The following PTPRM variants were observed in gnomAD, a reference collection of about 807,000 sequenced individuals.
PTPRM encodes the protein receptor-type tyrosine-protein phosphatase mu.
PTPRM carries 47 observed loss-of-function variants against 186.7 expected under a neutral mutation model. The observed-to-expected ratio is 0.25, with a 90% CI of 0.20 to 0.32. The LOEUF is 0.32. Among genes scored for constraint, PTPRM ranks in the 10% least tolerant of loss-of-function variants. PTPRM has a pLI of 1.00. For synonymous variants in PTPRM, 668 were observed against 674.9 expected (o/e 0.99, Z 0.16); for missense variants, 1,494 against 1,865.0 (o/e 0.80, Z 3.66).
intron 1 of PTPRM, among the ~76,000 whole-genome samples, chr18:7,678,549 A>C (rs1033399804): frequency 6.6e-6 from 1 of 152,160 alleles, no homozygotes; most frequent in Non-Finnish European, 1.5e-5. Context: ...GGGCGTGTGC[A>C]GTTAACAGTT....
intron 22 of PTPRM, among the ~76,000 whole-genome samples, chr18:8,343,062 T>A (rs1203482018): frequency 6.6e-6 from 1 of 152,246 alleles, no homozygotes; most frequent in East Asian, 1.9e-4. Context: ...ATCTGCTAAT[T>A]GTTAGCAGAA....
At chr18:8,346,792 A>AAC (rs2148291896) in intron 23 of PTPRM, among the ~76,000 whole-genome samples, 1 of 119,368 alleles carries the variant, frequency 8.4e-6, no homozygotes, top group African/African-American at 3.2e-5. Flanking sequence ...TTACTATGAA[A>AAC]ACATTAATGA....
chr18:7,946,690 G>A (rs777689552), intron 5 of PTPRM, among the ~76,000 whole-genome samples: 1 of 152,046 alleles, frequency 6.6e-6, no homozygotes, highest in Non-Finnish European at 1.5e-5. Context: ...AGGGCATTTA[G>A]TGAAAAAAAC....
At chr18:7,655,008 A>G (rs1391975906) in intron 1 of PTPRM, among the ~76,000 whole-genome samples, 1 of 152,138 alleles carries the variant, frequency 6.6e-6, no homozygotes, top group Non-Finnish European at 1.5e-5. Flanking sequence ...TAGTTTACTA[A>G]GAATAGCATT....
At chr18:8,367,895 A>G (rs910028152) in intron 23 of PTPRM, among the ~76,000 whole-genome samples, 1 of 152,174 alleles carries the variant, frequency 6.6e-6, no homozygotes, top group Non-Finnish European at 1.5e-5. Flanking sequence ...TCATACATCA[A>G]TTGCATCTTG....
chr18:7,877,375 A>G (rs1186320411), intron 2 of PTPRM, among the ~76,000 whole-genome samples: 1 of 152,002 alleles, frequency 6.6e-6, no homozygotes, highest in Admixed American at 6.5e-5. Flanking sequence ...TGATTTAAAG[A>G]TGGATGTTGG....
chr18:8,194,097 A>G (rs1021700858), intron 14 of PTPRM, among the ~76,000 whole-genome samples: 1 of 152,218 alleles, frequency 6.6e-6, no homozygotes, highest in Non-Finnish European at 1.5e-5. Context: ...CTCTCCAGAC[A>G]TCTGTCCTTT....
At chr18:8,000,409 G>A (rs370924909) in intron 7 of PTPRM, among the ~76,000 whole-genome samples, 8 of 152,282 alleles carry the variant, frequency 5.3e-5, no homozygotes, top group African/African-American at 1.7e-4. Flanking sequence ...CTCTTTTGAT[G>A]TATAATGGTC....
rs187959978 is a variant in PTPRM at position 8,295,289 on chromosome 18, A to C, written c.2755-1079A>C. ...TGGACCCACAAAAAGGAATAAATAC[A>C]TTCTACCTAGCGACAGACTAATCTG... On this transcript the variant is annotated intron_variant, in intron 19 of 32. Coordinates refer to ENST00000580170, the MANE Select transcript of PTPRM (RefSeq NM_001105244.2). Among the ~76,000 whole-genome samples, 4 of 152,320 alleles carry C rather than the reference A, an allele frequency of 2.6e-5. No homozygotes were observed. In the East Asian group the frequency reaches 7.7e-4, roughly 29 times the overall value.
chr18:7,714,088 G>A (rs1404603514), intron 1 of PTPRM, among the ~76,000 whole-genome samples: 4 of 152,224 alleles, frequency 2.6e-5, no homozygotes, highest in African/African-American at 9.6e-5. Context: ...GCACCACGTT[G>A]CACTTACTCT....
At chr18:7,584,155 G>A (rs1403997677) in intron 1 of PTPRM, among the ~76,000 whole-genome samples, 2 of 152,072 alleles carry the variant, frequency 1.3e-5, no homozygotes, top group African/African-American at 2.4e-5. Flanking sequence ...AAAATAAACT[G>A]CATTAACAAA....
intron 7 of PTPRM, among the ~76,000 whole-genome samples, chr18:7,958,535 C>T (rs2147148348): frequency 6.6e-6 from 1 of 152,300 alleles, no homozygotes; most frequent in East Asian, 1.9e-4. Context: ...TTTGTTCAAG[C>T]ATAACCTGAC....
chr18:7,817,639 C>T (rs1000015212), intron 2 of PTPRM, among the ~76,000 whole-genome samples: 3 of 152,106 alleles, frequency 2.0e-5, no homozygotes, highest in African/African-American at 7.2e-5. Context: ...CATATTATTC[C>T]ATGAAATAAG....
chr18:7,693,712 C>T (rs2144661569), intron 1 of PTPRM, among the ~76,000 whole-genome samples: 2 of 152,098 alleles, frequency 1.3e-5, no homozygotes, highest in Middle Eastern at 6.8e-3. Flanking sequence ...GAGATTGCTG[C>T]TATTAAAGGA....
intron 13 of PTPRM, among the ~76,000 whole-genome samples, chr18:8,136,086 G>C (rs78760662): frequency 1.3e-5 from 2 of 152,108 alleles, no homozygotes; most frequent in African/African-American, 4.8e-5. Context: ...AGAGACAGTA[G>C]GTTTCCATTT....
chr18:8,170,075 C>T (rs2093376104), intron 14 of PTPRM, among the ~76,000 whole-genome samples: 1 of 152,176 alleles, frequency 6.6e-6, no homozygotes, highest in Non-Finnish European at 1.5e-5. Flanking sequence ...GGAAAACCCA[C>T]AGCTGTGAAT....
chr18:7,613,403 G>A (rs530414742), intron 1 of PTPRM, among the ~76,000 whole-genome samples: 23 of 152,260 alleles, frequency 1.5e-4, no homozygotes, highest in Middle Eastern at 3.4e-3. Context: ...GGCCAGGCGC[G>A]GTGGCTCACG....
intron 7 of PTPRM, among the ~76,000 whole-genome samples, chr18:8,046,613 G>A (rs576417585): frequency 1.1e-4 from 16 of 152,242 alleles, no homozygotes; most frequent in South Asian, 2.1e-4. Flanking sequence ...GCCCCAGTCC[G>A]TGTGTCTCTG....
chr18:8,386,275 G>A (rs979307926), intron 30 of PTPRM, among the ~76,000 whole-genome samples: 30 of 152,240 alleles, frequency 2.0e-4, no homozygotes, highest in Middle Eastern at 3.4e-3. Context: ...ATCTAAAGCC[G>A]TGAGCCTGAA....
Sources: allele counts gnomAD v4.1 joint callset (sites outside exome capture counted in the v4.1 genomes callset), GRCh38; gene constraint gnomAD v4.1.1; transcripts MANE v1.5; gene names NCBI Gene and HGNC (gene_info 2026-07-23, HGNC 2026-07-21).